Variants in RANBP2 observed in about 807,000 individuals in gnomAD.
RANBP2 encodes RAN binding protein 2.
A neutral mutation model predicts 303.6 loss-of-function variants in RANBP2; 57 were observed. That is an observed-to-expected ratio of 0.19 (90% CI 0.15 to 0.23). RANBP2 has a LOEUF of 0.23. RANBP2 is among the 10% of genes least tolerant of loss of function. The probability of loss-of-function intolerance (pLI) is 1.00; values close to 1 mark genes in which losing one functional copy is unlikely to be tolerated. For missense variants in RANBP2, 3,138 were observed against 3,780.8 expected (o/e 0.83, Z 4.46); for synonymous variants, 1,167 against 1,301.5 (o/e 0.90, Z 2.23).
the RANBP2 span, among the ~76,000 whole-genome samples, chr2:108,925,149 C>T: frequency 6.6e-6 from 1 of 152,244 alleles, no homozygotes; most frequent in Non-Finnish European, 1.5e-5. Flanking sequence ...TGGTCCCGCT[C>T]CTGGGCTGGG....
the RANBP2 span, among the ~76,000 whole-genome samples, chr2:109,022,122 G>A: frequency 1.3e-5 from 2 of 152,238 alleles, no homozygotes; most frequent in African/African-American, 4.8e-5. Context: ...CGCACCTAGG[G>A]TGCGCCACAC....
chr2:109,313,813 G>T, the RANBP2 span, among the ~76,000 whole-genome samples: 2 of 152,248 alleles, frequency 1.3e-5, no homozygotes, highest in Non-Finnish European at 2.9e-5. Flanking sequence ...AAACAGAGGG[G>T]CTTATTCCAG....
chr2:109,536,011 T>C, the RANBP2 span, among the ~76,000 whole-genome samples: 1 of 120,396 alleles, frequency 8.3e-6, no homozygotes, highest in Non-Finnish European at 1.6e-5. Flanking sequence ...TGTATGGAAA[T>C]ACTTGGATGT....
the RANBP2 span, among the ~76,000 whole-genome samples, chr2:109,277,910 C>A: frequency 4.0e-5 from 6 of 151,702 alleles, no homozygotes; most frequent in African/African-American, 1.2e-4. Context: ...TGTGGTGGCT[C>A]ACGCCTATAA....
At chr2:108,933,657 GA>G in the RANBP2 span, among the ~76,000 whole-genome samples, 1 of 152,186 alleles carries the variant, frequency 6.6e-6, no homozygotes, top group Admixed American at 6.5e-5. Context: ...TTACCGTTTG[GA>G]AAACACTAAA....
At chr2:108,850,665 C>G in the RANBP2 span, among the ~76,000 whole-genome samples, 1 of 152,108 alleles carries the variant, frequency 6.6e-6, no homozygotes, top group Admixed American at 6.6e-5. Flanking sequence ...GTTCGCCAGG[C>G]TGGTCTCGAA....
the RANBP2 span, among the ~76,000 whole-genome samples, chr2:109,023,168 A>C: frequency 6.6e-6 from 1 of 152,246 alleles, no homozygotes; most frequent in Admixed American, 6.5e-5. Flanking sequence ...AGCATGGGTC[A>C]CCTAGTGATG....
the RANBP2 span, among the ~76,000 whole-genome samples, chr2:109,313,783 C>T: frequency 2.6e-5 from 4 of 152,334 alleles, no homozygotes; most frequent in East Asian, 3.9e-4. Flanking sequence ...CTGCTCCAGG[C>T]AGCTGTGGCA....
At chr2:109,132,976 T>C in the RANBP2 span, among the ~76,000 whole-genome samples, 30,952 of 152,258 alleles carry the variant, frequency 0.2, 3,911 homozygotes, top group Middle Eastern at 0.36. Context: ...TTTAAATCCT[T>C]GACTTATATT....
chr2:108,872,679 G>C, the RANBP2 span, among the ~76,000 whole-genome samples: 1 of 152,262 alleles, frequency 6.6e-6, no homozygotes, highest in Admixed American at 6.5e-5. Context: ...GAGAGCAAGA[G>C]GGGGCTGCAC....
At chr2:109,219,107 A>G in the RANBP2 span, among the ~76,000 whole-genome samples, 1 of 152,182 alleles carries the variant, frequency 6.6e-6, no homozygotes, top group Non-Finnish European at 1.5e-5. Flanking sequence ...GGCATTGCAC[A>G]TGACTGGCTT....
downstream of RANBP2, among the ~76,000 whole-genome samples, chr2:108,786,252 C>CTT (rs5833304): frequency 0.2 from 27,063 of 135,944 alleles, 2,963 homozygotes; most frequent in African/African-American, 0.28. Flanking sequence ...TCAGCTTTCC[C>CTT]TTTTTTTTTT....
chr2:109,653,132 C>T, the RANBP2 span, among the ~76,000 whole-genome samples: 1 of 152,092 alleles, frequency 6.6e-6, no homozygotes, highest in Admixed American at 6.6e-5. Context: ...CGTTGTGGCT[C>T]ATGCTTGTAA....
At chr2:108,957,298 C>T in the RANBP2 span, among the ~76,000 whole-genome samples, 1 of 152,206 alleles carries the variant, frequency 6.6e-6, no homozygotes, top group African/African-American at 2.4e-5. Flanking sequence ...AACAGCAACG[C>T]CTCTTGTTTA....
the RANBP2 span, among the ~76,000 whole-genome samples, chr2:109,550,507 T>G: frequency 1.3e-5 from 2 of 151,528 alleles, no homozygotes; most frequent in Non-Finnish European, 2.9e-5. Context: ...AGAGATGGGG[T>G]TTCACCATAT....
At chr2:108,787,393 C>T (rs1451275967), downstream of RANBP2, among the ~76,000 whole-genome samples, 1 of 152,148 alleles carries the variant, frequency 6.6e-6, no homozygotes, top group African/African-American at 2.4e-5. Context: ...CATTTTTTCC[C>T]TTTGAACTAT....
At chr2:109,029,283 G>A in the RANBP2 span, among the ~76,000 whole-genome samples, 2 of 151,998 alleles carry the variant, frequency 1.3e-5, no homozygotes, top group South Asian at 2.1e-4. Flanking sequence ...CCCCATGGCC[G>A]CAGCTGCTGG....
the RANBP2 span, among the ~76,000 whole-genome samples, chr2:109,405,811 C>T: frequency 6.6e-6 from 1 of 152,262 alleles, no homozygotes; most frequent in Non-Finnish European, 1.5e-5. Flanking sequence ...TCCCCCCTTC[C>T]TCCCTGGGCT....
chr2:108,908,419 T>G, the RANBP2 span, among the ~76,000 whole-genome samples: 1 of 152,224 alleles, frequency 6.6e-6, no homozygotes, highest in South Asian at 2.1e-4. Context: ...TGTCTTCATG[T>G]TAAGCAAACA....
Sources: allele counts gnomAD v4.1 joint callset (sites outside exome capture counted in the v4.1 genomes callset), GRCh38; gene constraint gnomAD v4.1.1; transcripts MANE v1.5; gene names NCBI Gene and HGNC (gene_info 2026-07-23, HGNC 2026-07-21).